RNF41: variants seen among roughly 807,000 people sequenced by gnomAD.
RNF41 encodes E3 ubiquitin-protein ligase NRDP1.
A neutral mutation model predicts 33.0 loss-of-function variants in RNF41; 4 were observed. The observed-to-expected ratio is 0.12, with a 90% CI of 0.06 to 0.28. The LOEUF is 0.28. Ranked by LOEUF, RNF41 falls within the 10% of genes least tolerant of loss-of-function variation. The probability of loss-of-function intolerance (pLI) is 1.00; values close to 1 mark genes in which losing one functional copy is unlikely to be tolerated. For synonymous variants in RNF41, 164 were observed against 153.2 expected, an observed-to-expected ratio of 1.07 and a Z score of -0.52; for missense variants, 228 against 432.6, an observed-to-expected ratio of 0.53 and a Z score of 4.19.
intron 3 of RNF41, among the ~76,000 whole-genome samples, chr12:56,211,667 C>A (rs1490880555): frequency 6.6e-6 from 1 of 151,868 alleles, no homozygotes. Context: ...TATTTACTGG[C>A]AAAAATTCAA....
At chr12:56,214,259 G>A (rs992002732) in intron 2 of RNF41, among the ~76,000 whole-genome samples, 189 bp from the exon 3 acceptor site, 3 of 152,176 alleles carry the variant, frequency 2.0e-5, no homozygotes, top group African/African-American at 7.2e-5. Flanking sequence ...AGTGGATCAC[G>A]CCTGTAATCC....
intron 3 of RNF41, among the ~76,000 whole-genome samples, chr12:56,210,788 C>G (rs1219531770): frequency 6.6e-6 from 1 of 152,222 alleles, no homozygotes; most frequent in African/African-American, 2.4e-5. Flanking sequence ...TGCCTGTAAT[C>G]CCAGCACTTT....
rs978622774 is a variant in RNF41, at chr12:56,203,680, C to T, written c.*2767G>A. 8 of 143,676 alleles carry T rather than the reference C, an allele frequency of 5.6e-5. No individual in the cohort carries two copies. Among genetic ancestry groups the T allele is most frequent in the African/African-American group, 2.1e-4 (8 of 38,672 alleles). The allele number at this position is 143,676 out of a possible 1,614,324, so 8.9% of individuals were successfully genotyped here. Reference sequence around the variant, plus strand: ...AAGTGCTGGGATTACAGACGTGAGCCACCGTGCCCGGCCTATGAAGACTTT... The same window carrying T: ...AAGTGCTGGGATTACAGACGTGAGCTACCGTGCCCGGCCTATGAAGACTTT... On this transcript the variant is annotated 3_prime_UTR_variant, in exon 7 of 7. Transcript: ENST00000345093.
rs1868685686 is a variant in RNF41, at chr12:56,214,178, G to GT, written c.-23-109_-23-108insA. 5.6e-6 allele frequency: 4 copies of GT among 708,388 alleles called. No homozygotes were observed. In the East Asian group the frequency reaches 1.0e-4, roughly 18 times the overall value. The allele number at this position is 708,388 out of a possible 1,614,324, so 43.9% of individuals were successfully genotyped here. A position where few individuals can be genotyped will look rare whatever the true frequency, so the allele number is the denominator to read the frequency against. ...TTCATTTATCCAACAAATATTTACTGGGAGTCTACTATGCAGCAGTCATTT... is the reference window on the plus strand; with the variant it reads ...TTCATTTATCCAACAAATATTTACTGTGGAGTCTACTATGCAGCAGTCATTT... On this transcript the variant is annotated intron_variant, in intron 2 of 6. Coordinates refer to ENST00000345093, the MANE Select transcript of RNF41 (RefSeq NM_005785.4).
intron 1 of RNF41, among the ~76,000 whole-genome samples, chr12:56,217,330 T>G (rs1868981720): frequency 6.6e-6 from 1 of 151,938 alleles, no homozygotes; most frequent in Non-Finnish European, 1.5e-5. Flanking sequence ...GTGGATCACC[T>G]GAGGTCAGGA....
chr12:56,210,279 G>T lies in RNF41; in HGVS notation c.362+18C>A, dbSNP rs376947778. ...AGATGGCCCTTATCCATGTGGGGCA[G>T]AAGGGAACAAATCTCACCCACAGCC... On this transcript the variant is annotated intron_variant, in intron 4 of 6. Coordinates refer to ENST00000345093, the MANE Select transcript of RNF41 (RefSeq NM_005785.4). 2 of 1,607,196 alleles carry T rather than the reference G, an allele frequency of 1.2e-6. No individual in the cohort carries two copies. The highest frequency in any genetic ancestry group is 2.7e-5 in the African/African-American group (2 of 74,806).
At position 56,206,844 on chromosome 12, in the gene RNF41, C is replaced by A. The variant is rs936448728; in HGVS notation, c.603-46G>T. On this transcript the variant is annotated intron_variant, in intron 6 of 6. Transcript: ENST00000345093. The surrounding 1 kb of genome is among the most constrained non-coding windows in gnomAD (Gnocchi z 5.7). ...ATGGTCATTCCAGCTCATCTCCTTT[C>A]TCTGTATTGGCTTTTTCTGCTAATA... 7 of 1,420,536 alleles carry A rather than the reference C, an allele frequency of 4.9e-6. No individual in the cohort carries two copies. Among genetic ancestry groups the A allele is most frequent in the Non-Finnish European group, 6.8e-6 (7 of 1,031,614 alleles). The allele number at this position is 1,420,536 out of a possible 1,614,324, so 88.0% of individuals were successfully genotyped here.
rs1878642509 is a variant in RNF41, at chr12:56,202,705, C to T, written c.*3742G>A. ...AAATCCACTTAGCACATTTATGATC[C>T]CTTATTATATATTCATCTCCATTAG... On this transcript the variant is annotated 3_prime_UTR_variant, in exon 7 of 7. Transcript: ENST00000345093. 6.6e-6 allele frequency: 1 copy of T among 152,070 alleles called. No homozygotes were observed. The highest frequency in any genetic ancestry group is 2.4e-5 in the African/African-American group (1 of 41,398). The allele number at this position is 152,070 out of a possible 1,614,324, so 9.4% of individuals were successfully genotyped here.
In RNF41 at chr12:56,206,576, G is replaced by A. The variant is rs375539849; in HGVS notation, c.825C>T (p.Tyr275=). ...RQMNRRYYEN[Y]VAKRIPGKQA... ...GCTTGCCAGGGATGCGCTTGGCCAC[G>A]TAGTTCTCATAGTAGCGTCGGTTCA... The change falls in exon 7 of 7, where the codon TAC becomes TAT. Residue 275 remains tyrosine (Y), a synonymous_variant. Transcript: ENST00000345093. This position sits in a 1 kb window ranked among gnomAD's most constrained non-coding sequence, Gnocchi z 5.7. 49 of 1,614,066 alleles carry A rather than the reference G, an allele frequency of 3.0e-5. No individual in the cohort carries two copies. The African/African-American group carries it at 3.9e-4, about 13-fold the overall frequency.
chr12:56,218,628 G>A (rs1167030799), intron 1 of RNF41, among the ~76,000 whole-genome samples: 3 of 151,598 alleles, frequency 2.0e-5, no homozygotes, highest in Non-Finnish European at 4.4e-5. Flanking sequence ...TGCTTCAACT[G>A]TCAAGTAGGG....
At chr12:56,215,312 T>C (rs571052628) in intron 2 of RNF41, among the ~76,000 whole-genome samples, 214 of 152,218 alleles carry the variant, frequency 1.4e-3, no homozygotes, top group Non-Finnish European at 2.8e-3. Context: ...TGATAATAGT[T>C]CCATTTTAGA....
chr12:56,213,205 GT>G (rs796258832), intron 3 of RNF41: 29,560 of 823,036 alleles, frequency 0.036, no homozygotes, highest in South Asian at 0.051. Context: ...ATTTGTTTTT[GT>G]TTTTTTTTTT....
In RNF41 at chr12:56,206,369, G is replaced by A; in HGVS notation, c.*78C>T. On this transcript the variant is annotated 3_prime_UTR_variant, in exon 7 of 7. Coordinates refer to ENST00000345093, the MANE Select transcript of RNF41 (RefSeq NM_005785.4). The surrounding 1 kb of genome is among the most constrained non-coding windows in gnomAD (Gnocchi z 5.7). ...ATAAGCCACAGTATTAAGAATGGTGGGTAGGACTCAGGTCCCAGCTGCTGG... is the reference window on the plus strand; with the variant it reads ...ATAAGCCACAGTATTAAGAATGGTGAGTAGGACTCAGGTCCCAGCTGCTGG... The A allele has an allele frequency of 8.2e-7, 1 of 1,225,534 alleles. No homozygotes were observed. Among genetic ancestry groups the A allele is most frequent in the Non-Finnish European group, 1.2e-6 (1 of 859,466 alleles). 75.9% of individuals were successfully genotyped at this position (1,225,534 alleles called of 1,614,324 possible).
At position 56,203,604 on chromosome 12, in the gene RNF41, C is replaced by T. The variant is rs1878693193; in HGVS notation, c.*2843G>A. The T allele has an allele frequency of 6.6e-6, 1 of 151,834 alleles. No individual in the cohort carries two copies. Among genetic ancestry groups the T allele is most frequent in the African/African-American group, 2.4e-5 (1 of 41,274 alleles). 9.4% of individuals were successfully genotyped at this position (151,834 alleles called of 1,614,324 possible). On this transcript the variant is annotated 3_prime_UTR_variant, in exon 7 of 7. Transcript: ENST00000345093. ...AGAGACAGGGTTTCACCATGTTAGC[C>T]AGGATGGTCTCGATCTCCTGACGTT...
chr12:56,216,946 C>A (rs751811883), intron 1 of RNF41, among the ~76,000 whole-genome samples: 1 of 151,596 alleles, frequency 6.6e-6, no homozygotes, highest in South Asian at 2.1e-4. Flanking sequence ...CAAGACCGTC[C>A]TGGCTAACAC....
chr12:56,216,960 G>A (rs1868942258), intron 1 of RNF41, among the ~76,000 whole-genome samples: 1 of 151,886 alleles, frequency 6.6e-6, no homozygotes, highest in Admixed American at 6.6e-5. Flanking sequence ...CTAACACGGT[G>A]AAACCCCGTC....
chr12:56,210,374 C>A lies in RNF41; in HGVS notation c.285G>T (p.Arg95=). ...NAVFGCSAVV[R]LDNLMSHLSD... ...TGAGGTGAGACATGAGGTTGTCAAG[C>A]CGGACAACGGCACTACAGCCGAACA... The change falls in exon 4 of 7, where the codon CGG becomes CGT. Residue 95 remains arginine, a synonymous_variant. Transcript: ENST00000345093. 1 of 1,614,180 alleles carries A rather than the reference C, an allele frequency of 6.2e-7. No homozygotes were observed. Among genetic ancestry groups the A allele is most frequent in the Non-Finnish European group, 8.5e-7 (1 of 1,180,024 alleles).
intron 2 of RNF41, 72 bp from the exon 3 acceptor site, chr12:56,214,142 G>T: frequency 1.2e-6 from 1 of 838,346 alleles, no homozygotes. Context: ...TACACTCATT[G>T]CCAAGATCCA....
chr12:56,220,687 T>G (rs1251433940), intron 1 of RNF41, among the ~76,000 whole-genome samples: 1 of 149,560 alleles, frequency 6.7e-6, no homozygotes, highest in African/African-American at 2.5e-5. Context: ...GCCGAGATTG[T>G]GCCACTGCAC....
Sources: gnomAD v4.1 joint callset for allele counts (sites outside exome capture counted in the v4.1 genomes callset) on GRCh38, gnomAD v4.1.1 for gene constraint, Gnocchi (gnomAD v3.1) non-coding constraint, MANE v1.5 for transcripts, NCBI Gene and HGNC (gene_info 2026-07-23, HGNC 2026-07-21) for gene names.